PGM5: variants seen among roughly 807,000 people sequenced by gnomAD.
PGM5 encodes phosphoglucomutase-like protein 5.
PGM5 carries 23 observed loss-of-function variants against 59.2 expected under a neutral mutation model. The ratio of observed to expected loss-of-function variants is 0.39; its 90% confidence interval spans 0.28 to 0.55. The LOEUF is 0.55. PGM5 is among the 20% of genes least tolerant of loss of function. PGM5 has a pLI of 0.66. For synonymous variants in PGM5, 214 were observed against 286.0 expected, an observed-to-expected ratio of 0.75 and a Z score of 2.54; for missense variants, 574 against 748.3, an observed-to-expected ratio of 0.77 and a Z score of 2.72.
intron 10 of PGM5, among the ~76,000 whole-genome samples, chr9:68,500,970 C>A (rs1206358612): frequency 6.7e-6 from 1 of 149,180 alleles, no homozygotes; most frequent in Non-Finnish European, 1.5e-5. Flanking sequence ...TTTTTTTTTT[C>A]TTTTCCCAAG....
At chr9:68,480,359 A>G (rs1209426673) in intron 8 of PGM5, among the ~76,000 whole-genome samples, 2 of 152,238 alleles carry the variant, frequency 1.3e-5, no homozygotes, top group Non-Finnish European at 2.9e-5. Context: ...CACCCCTTGA[A>G]GGAACCTCAT....
At chr9:68,513,437 A>G (rs1554689525) in intron 10 of PGM5, among the ~76,000 whole-genome samples, 1 of 152,254 alleles carries the variant, frequency 6.6e-6, no homozygotes, top group Non-Finnish European at 1.5e-5. Context: ...TGTCAGAAGA[A>G]AAGGGAAAAA....
rs939303780 is a variant in PGM5, at chr9:68,437,524, G to T, written c.1044-27569G>T. Among the ~76,000 whole-genome samples, 34 of 152,090 alleles carry T rather than the reference G, an allele frequency of 2.2e-4. No individual in the cohort carries two copies. Among genetic ancestry groups the T allele is most frequent in the Admixed American group, 1.8e-3 (28 of 15,288 alleles). On this transcript the variant is annotated intron_variant, in intron 6 of 10. Transcript: ENST00000396396. This position sits in a 1 kb window ranked among gnomAD's most constrained non-coding sequence, Gnocchi z 4.1. ...ACAAATGGTTTTTCTACAGATAGGG[G>T]ATCTCTAGGCATCTCAAGGATAGGA...
At chr9:68,449,573 T>C (rs1338631880) in intron 6 of PGM5, among the ~76,000 whole-genome samples, 1 of 152,222 alleles carries the variant, frequency 6.6e-6, no homozygotes, top group Non-Finnish European at 1.5e-5. Context: ...TAAGGATTTC[T>C]GCCTGTTAAG....
intron 6 of PGM5, among the ~76,000 whole-genome samples, chr9:68,432,514 A>C (rs782774343): frequency 3.3e-5 from 5 of 152,162 alleles, no homozygotes; most frequent in East Asian, 1.9e-4. Flanking sequence ...TTTTAAACAA[A>C]AAAAAAAATT....
intron 6 of PGM5, among the ~76,000 whole-genome samples, chr9:68,458,880 C>T (rs1424655651): frequency 1.3e-5 from 2 of 152,088 alleles, no homozygotes; most frequent in African/African-American, 2.4e-5. Context: ...TGAACTCTGC[C>T]TCATTCATAT....
At chr9:68,518,131 T>C (rs1344211404) in intron 10 of PGM5, among the ~76,000 whole-genome samples, 1 of 152,210 alleles carries the variant, frequency 6.6e-6, no homozygotes. Context: ...GAAATATGGT[T>C]AGTTAAGTAC....
At chr9:68,435,203 C>A (rs1564005016) in intron 6 of PGM5, among the ~76,000 whole-genome samples, 1 of 152,170 alleles carries the variant, frequency 6.6e-6, no homozygotes, top group Non-Finnish European at 1.5e-5. Flanking sequence ...ATAGCCCATG[C>A]ACATTTAATT....
chr9:68,357,316 G>C lies in PGM5; in HGVS notation c.189G>C (p.Val63=). The C allele has an allele frequency of 6.4e-7, 1 of 1,551,446 alleles. No individual in the cohort carries two copies. The highest frequency in any genetic ancestry group is 8.7e-7 in the Non-Finnish European group (1 of 1,149,970). Reference sequence around the variant, plus strand: ...GCGACCGTCAGGGCTGCACCATGGTGGTGGGCAGCGACGGCAGGTACTTTA... The same window carrying C: ...GCGACCGTCAGGGCTGCACCATGGTCGTGGGCAGCGACGGCAGGTACTTTA... ...DLRDRQGCTM[V]VGSDGRYFSR... Residue 63 remains valine (V), a synonymous_variant, in exon 1 of 11, where the codon GTG becomes GTC. Coordinates refer to ENST00000396396, the MANE Select transcript of PGM5 (RefSeq NM_021965.4).
Position 68,358,618 on chromosome 9 carries a change from T to C in PGM5, c.261+1230T>C, listed in dbSNP as rs534890460. Among the ~76,000 whole-genome samples the C allele has an allele frequency of 3.3e-3, 509 of 152,230 alleles. 1 individual carries two copies. The highest frequency in any genetic ancestry group is 0.012 in the African/African-American group (489 of 41,534). ...CTGAACAATTCCCTGGCATTTGAAT[T>C]CCCTCCTTCCTTCCCAACCCTCTCC... On this transcript the variant is annotated intron_variant, in intron 1 of 10. Coordinates refer to ENST00000396396, the MANE Select transcript of PGM5 (RefSeq NM_021965.4).
intron 1 of PGM5, among the ~76,000 whole-genome samples, chr9:68,374,024 A>G (rs1821809392): frequency 6.6e-6 from 1 of 152,304 alleles, no homozygotes; most frequent in Non-Finnish European, 1.5e-5. Flanking sequence ...CCATGTGGCC[A>G]CACCTAGATG....
At chr9:68,385,734 C>T (rs1350262422) in intron 3 of PGM5, among the ~76,000 whole-genome samples, 3 of 152,060 alleles carry the variant, frequency 2.0e-5, no homozygotes, top group Non-Finnish European at 4.4e-5. Context: ...TTATTTTTGG[C>T]ATCTTCACAA....
At chr9:68,393,357 T>C (rs1207783876) in intron 6 of PGM5, among the ~76,000 whole-genome samples, 1 of 150,894 alleles carries the variant, frequency 6.6e-6, no homozygotes, top group Non-Finnish European at 1.5e-5. Context: ...TATATACATA[T>C]ATAATTTATT....
At chr9:68,426,202 T>C (rs112062217) in intron 6 of PGM5, among the ~76,000 whole-genome samples, 7,505 of 152,042 alleles carry the variant, frequency 0.049, 446 homozygotes, top group African/African-American at 0.14. Flanking sequence ...TGTTTAAATT[T>C]TCTACTCTGA....
chr9:68,393,346 A>G (rs1175767771), intron 6 of PGM5, among the ~76,000 whole-genome samples: 1 of 150,408 alleles, frequency 6.6e-6, no homozygotes, highest in Non-Finnish European at 1.5e-5. Flanking sequence ...TATACATAAT[A>G]TATATACATA....
chr9:68,431,296 T>C (rs1440943071), intron 6 of PGM5, among the ~76,000 whole-genome samples: 2 of 152,168 alleles, frequency 1.3e-5, no homozygotes, highest in Admixed American at 6.5e-5. Context: ...GTTTTTCTAG[T>C]CCTACCTCTT....
At chr9:68,431,464 T>G (rs1554683019) in intron 6 of PGM5, among the ~76,000 whole-genome samples, 1 of 152,156 alleles carries the variant, frequency 6.6e-6, no homozygotes, top group Non-Finnish European at 1.5e-5. Flanking sequence ...ATAGTAATAT[T>G]TTTTTGTAAT....
At chr9:68,473,352 C>T (rs1422304794) in intron 7 of PGM5, among the ~76,000 whole-genome samples, 2 of 152,146 alleles carry the variant, frequency 1.3e-5, no homozygotes, top group African/African-American at 4.8e-5. Flanking sequence ...CAGCTCTCAC[C>T]ACATAGGATG....
At chr9:68,383,692 T>C (rs770113426) in intron 2 of PGM5, among the ~76,000 whole-genome samples, 192 of 106,030 alleles carry the variant, frequency 1.8e-3, no homozygotes, top group Non-Finnish European at 2.8e-3. Context: ...TCAACCTTGT[T>C]GCAAAAAAAA....
Sources: gnomAD v4.1 joint callset for allele counts (sites outside exome capture counted in the v4.1 genomes callset) on GRCh38, gnomAD v4.1.1 for gene constraint, Gnocchi (gnomAD v3.1) non-coding constraint, MANE v1.5 for transcripts, NCBI Gene and HGNC (gene_info 2026-07-23, HGNC 2026-07-21) for gene names.